SEMA6C: variants seen among roughly 807,000 people sequenced by gnomAD.
SEMA6C encodes the protein semaphorin-6C.
A neutral mutation model predicts 72.9 loss-of-function variants in SEMA6C; 37 were observed. That is an observed-to-expected ratio of 0.51 (90% CI 0.39 to 0.67). SEMA6C has a LOEUF of 0.67. Among genes scored for constraint, SEMA6C ranks in the 30% least tolerant of loss-of-function variants. SEMA6C has a pLI of 0.00. For synonymous variants in SEMA6C, 578 were observed against 554.1 expected (o/e 1.04, Z -0.61); for missense variants, 1,189 against 1,263.6 (o/e 0.94, Z 0.89).
Position 151,133,009 on chromosome 1 carries a change from G to C in SEMA6C, c.2268C>G (p.Gly756=). 1 of 1,406,696 alleles carries C rather than the reference G, an allele frequency of 7.1e-7. No individual in the cohort carries two copies. The highest frequency in any genetic ancestry group is 9.3e-7 in the Non-Finnish European group (1 of 1,077,938). 87.1% of individuals were successfully genotyped at this position (1,406,696 alleles called of 1,614,324 possible). A position where few individuals can be genotyped will look rare whatever the true frequency, so the allele number is the denominator to read the frequency against. The change falls in exon 19 of 19, where the codon GGC becomes GGG. Residue 756 remains glycine, a synonymous_variant. Transcript: ENST00000368914. This position sits in a 1 kb window ranked among gnomAD's most constrained non-coding sequence, Gnocchi z 5.9. ...PRVLVRPPPP[G]CPGQAVEVTT... ...TGACTTCCACGGCCTGCCCGGGACA[G>C]CCGGGCGGCGGTGGCCTCACCAGCA...
chr1:151,141,230 A>T lies in SEMA6C; in HGVS notation c.119-1140T>A, dbSNP rs1682522108. ...GGTGGGCTTATTGGTGGGTGGTACCAGTGGTAGAGAGGCGAGTAAGAGGTG... is the reference window on the plus strand; with the variant it reads ...GGTGGGCTTATTGGTGGGTGGTACCTGTGGTAGAGAGGCGAGTAAGAGGTG... On this transcript the variant is annotated intron_variant, in intron 3 of 18. Transcript: ENST00000368914. Among the ~76,000 whole-genome samples, 4 of 151,960 alleles carry T rather than the reference A, an allele frequency of 2.6e-5. No individual in the cohort carries two copies. The South Asian group carries it at 8.3e-4, about 32-fold the overall frequency.
Position 151,136,495 on chromosome 1 carries a change from C to T in SEMA6C, c.1059G>A (p.Leu353=). 1 of 1,614,128 alleles carries T rather than the reference C, an allele frequency of 6.2e-7. No homozygotes were observed. Among genetic ancestry groups the T allele is most frequent in the Non-Finnish European group, 8.5e-7 (1 of 1,180,032 alleles). ...CAGACACAGGAGTCCAGGCCCCATC[C>T]AGACTCCTCTGCTCCTTGAACTTGC... ...FEGKFKEQRS[L]DGAWTPVSED... Residue 353 remains leucine, a synonymous_variant, in exon 12 of 19, where the codon CTG becomes CTA. Transcript: ENST00000368914.
intron 4 of SEMA6C, 136 bp downstream of exon 4, chr1:151,139,840 G>T: frequency 8.2e-7 from 1 of 1,219,868 alleles, no homozygotes; most frequent in Non-Finnish European, 1.2e-6. Flanking sequence ...TTTGTGCTCT[G>T]GGTCCAAGCA....
Position 151,133,017 on chromosome 1 carries a change from G to A in SEMA6C, c.2260C>T (p.Pro754Ser), listed in dbSNP as rs1443398368. The A allele has an allele frequency of 2.8e-6, 4 of 1,405,056 alleles. 1 individual carries two copies. In the South Asian group the frequency reaches 5.2e-5, roughly 18 times the overall value. The allele number at this position is 1,405,056 out of a possible 1,614,324, so 87.0% of individuals were successfully genotyped here. Reference sequence around the variant, plus strand: ...ACGGCCTGCCCGGGACAGCCGGGCGGCGGTGGCCTCACCAGCACGCGGGGC... The same window carrying A: ...ACGGCCTGCCCGGGACAGCCGGGCGACGGTGGCCTCACCAGCACGCGGGGC... The part of the protein sequence containing the change: ...PAPRVLVRPP[P>S]PGCPGQAVEV... Residue 754 changes from proline to serine, a missense_variant, in exon 19 of 19, where the codon CCG (proline) becomes TCG (serine). By Grantham distance (74) the Pro-to-Ser change is moderately conservative. Around this residue, in one of 2 missense-constraint regions of SEMA6C, gnomAD observed 721 missense variants for 686.2 expected, o/e 1.05. Transcript: ENST00000368914. This position sits in a 1 kb window ranked among gnomAD's most constrained non-coding sequence, Gnocchi z 5.9.
chr1:151,139,536 A>G (rs1171375370), intron 5 of SEMA6C, 55 bp from the exon 6 acceptor site: 2 of 1,602,764 alleles, frequency 1.2e-6, no homozygotes, highest in Admixed American at 1.7e-5. Flanking sequence ...CCCTCCTCAC[A>G]TTATGGCTCC....
chr1:151,138,502 C>T, intron 7 of SEMA6C, 96 bp from the exon 8 acceptor site: 1 of 1,418,944 alleles, frequency 7.0e-7, no homozygotes, highest in Non-Finnish European at 9.8e-7. Flanking sequence ...CTCCCCAACC[C>T]CTCTGGACCC....
intron 2 of SEMA6C, among the ~76,000 whole-genome samples, chr1:151,143,426 GC>G (rs2101653285): frequency 6.6e-6 from 1 of 152,294 alleles, no homozygotes; most frequent in East Asian, 1.9e-4. Context: ...AGGCTCTCTA[GC>G]CCCCTGCTCC....
chr1:151,132,188 A>C lies in SEMA6C; in HGVS notation c.*296T>G. 1 of 1,451,318 alleles carries C rather than the reference A, an allele frequency of 6.9e-7. No individual in the cohort carries two copies. The allele number at this position is 1,451,318 out of a possible 1,614,324, so 89.9% of individuals were successfully genotyped here. A position where few individuals can be genotyped will look rare whatever the true frequency, so the allele number is the denominator to read the frequency against. ...GGGCACAGTCTCTGGGGGAGCCCCG[A>C]GGGGCGAGTTAAGGCAGCTTGGCTG... On this transcript the variant is annotated 3_prime_UTR_variant, in exon 19 of 19. Coordinates refer to ENST00000368914, the MANE Select transcript of SEMA6C (RefSeq NM_030913.6).
At position 151,139,653 on chromosome 1, in the gene SEMA6C, C is replaced by G. The variant is rs1338623154; in HGVS notation, c.282G>C (p.Gly94=). 1.2e-6 allele frequency: 2 copies of G among 1,607,378 alleles called. No individual in the cohort carries two copies. The highest frequency in any genetic ancestry group is 1.7e-6 in the Non-Finnish European group (2 of 1,174,930). ...FDLQAEEEGE[G]LVPNKYLTWR... ...AGCCCCTCACCTTGTTGGGCACCAG[C>G]CCCTCCCCTTCTTCTTCGGCTTGAA... Residue 94 remains glycine, a synonymous_variant, in exon 5 of 19, where the codon GGG becomes GGC. Transcript: ENST00000368914.
intron 6 of SEMA6C, 32 bp downstream of exon 6, chr1:151,139,393 C>T: frequency 1.9e-6 from 3 of 1,588,782 alleles, no homozygotes; most frequent in East Asian, 2.2e-5. Flanking sequence ...GTAATCCTCT[C>T]CTTCCCTCCA....
chr1:151,135,432 C>T, intron 14 of SEMA6C, 123 bp from the exon 15 acceptor site: 1 of 1,450,342 alleles, frequency 6.9e-7, no homozygotes, highest in Non-Finnish European at 9.4e-7. Context: ...AGCTGCCCCG[C>T]CCTACCACAC....
chr1:151,134,625 C>T lies in SEMA6C; in HGVS notation c.1709G>A (p.Cys570Tyr). 6.2e-7 allele frequency: 1 copy of T among 1,614,186 alleles called. No individual in the cohort carries two copies. Among genetic ancestry groups the T allele is most frequent in the African/African-American group, 1.3e-5 (1 of 75,052 alleles). Residue 570 changes from cysteine to tyrosine, a missense_variant, in exon 17 of 19, where the codon TGC becomes TAC. By Grantham distance (194) the Cys-to-Tyr change is radical. Around this residue, in one of 2 missense-constraint regions of SEMA6C, gnomAD observed 721 missense variants for 686.2 expected, o/e 1.05. Coordinates refer to ENST00000368914, the MANE Select transcript of SEMA6C (RefSeq NM_030913.6). ...GNQESMEHGD[C>Y]QDGATGSQSG... The stretch of plus-strand genomic sequence containing the variant: ...CAGCTGCCTCTTCTGTTTACCTTGG[C>T]AGTCACCATGCTCCATGGATTCCTG...
chr1:151,135,315 G>T lies in SEMA6C; in HGVS notation c.1434-6C>A, dbSNP rs79913209. The stretch of plus-strand genomic sequence containing the variant: ...CTGTCCGCTTCCCACTGCACCTAGG[G>T]TGAGGCCAGAAGGAACCAGAGATGG... On this transcript the variant is annotated splice_region_variant and splice_polypyrimidine_tract_variant and intron_variant, in intron 14 of 18. Transcript: ENST00000368914. 4 of 1,612,366 alleles carry T rather than the reference G, an allele frequency of 2.5e-6. No individual in the cohort carries two copies. The South Asian group carries it at 4.4e-5, about 18-fold the overall frequency.
intron 3 of SEMA6C, among the ~76,000 whole-genome samples, chr1:151,141,015 A>G (rs914263917): frequency 1.8e-4 from 27 of 150,626 alleles, no homozygotes; most frequent in Middle Eastern, 3.4e-3. Context: ...AAAAAAATTC[A>G]TAATGTGCTT....
chr1:151,140,106 A>C lies in SEMA6C; in HGVS notation c.119-16T>G, dbSNP rs766585258. On this transcript the variant is annotated splice_polypyrimidine_tract_variant and intron_variant, in intron 3 of 18. Coordinates refer to ENST00000368914, the MANE Select transcript of SEMA6C (RefSeq NM_030913.6). ...GGGGAAGTACCTTGAGGACACAGAG[A>C]GATAGGATTCTGAGGATACCACAAA... The C allele has an allele frequency of 2.4e-5, 39 of 1,605,932 alleles. No individual in the cohort carries two copies. Among genetic ancestry groups the C allele is most frequent in the Middle Eastern group, 3.3e-4 (2 of 6,076 alleles).
In SEMA6C at chr1:151,140,052, C is replaced by G. The variant is rs1271027942; in HGVS notation, c.157G>C (p.Asp53His). 1 of 1,614,030 alleles carries G rather than the reference C, an allele frequency of 6.2e-7. No homozygotes were observed. Among genetic ancestry groups the G allele is most frequent in the African/African-American group, 1.3e-5 (1 of 74,918 alleles). The change falls in exon 4 of 19, where the codon GAT becomes CAT. Residue 53 changes from aspartate (D) to histidine (H), a missense_variant. By Grantham distance (81) the Asp-to-His change is moderately conservative. This residue lies in a region of SEMA6C where 468 missense variants were observed against 577.4 expected (regional missense o/e 0.81). Coordinates refer to ENST00000368914, the MANE Select transcript of SEMA6C (RefSeq NM_030913.6). ...PLSWFRGLED[D>H]AVAAELGLDF... ...AGCCCAAGTTCTGCAGCCACAGCAT[C>G]ATCCTCCAGGCCCCGAAACCAGGAT...
chr1:151,135,531 C>G (rs989931849), intron 14 of SEMA6C, 60 bp downstream of exon 14: 46 of 1,552,338 alleles, frequency 3.0e-5, no homozygotes, highest in Non-Finnish European at 3.7e-5. Context: ...CCCGAATCTG[C>G]AGCTGCTACC....
chr1:151,133,391 C>T lies in SEMA6C; in HGVS notation c.1886G>A (p.Cys629Tyr), dbSNP rs1404994112. The T allele has an allele frequency of 6.3e-7, 1 of 1,599,048 alleles. No individual in the cohort carries two copies. ...GCCCCGACGTCGGTGGGCGCGGCGA[C>T]AAGCACAGGAGACCAGGAGGCCAGA... ...SVSGLLVSCA[C>Y]RRAHRRRGKD... is the part of the protein sequence containing the mutation. Residue 629 changes from cysteine (C) to tyrosine (Y), a missense_variant, in exon 19 of 19, where the codon TGT becomes TAT. Cys to Tyr is a radical substitution (Grantham distance 194). Transcript: ENST00000368914. This position sits in a 1 kb window ranked among gnomAD's most constrained non-coding sequence, Gnocchi z 5.9.
In SEMA6C at chr1:151,132,676, G is replaced by T; in HGVS notation, c.2601C>A (p.Val867=). 1 of 1,546,576 alleles carries T rather than the reference G, an allele frequency of 6.5e-7. No homozygotes were observed. The highest frequency in any genetic ancestry group is 8.7e-7 in the Non-Finnish European group (1 of 1,144,870). Residue 867 remains valine, a synonymous_variant, in exon 19 of 19, where the codon GTC becomes GTA. Coordinates refer to ENST00000368914, the MANE Select transcript of SEMA6C (RefSeq NM_030913.6). ...HRAPPALLTR[V]PSGGPSRYSG... ...AGTACCTGGAGGGACCTCCCGAGGG[G>T]ACTCGAGTGAGCAGGGCAGGGGGGG...
Sources: allele counts gnomAD v4.1 joint callset (sites outside exome capture counted in the v4.1 genomes callset), GRCh38; gene constraint gnomAD v4.1.1; regional missense constraint gnomAD v4.1.1; non-coding constraint Gnocchi (gnomAD v3.1); transcripts MANE v1.5; gene names NCBI Gene and HGNC (gene_info 2026-07-23, HGNC 2026-07-21).